The following GPATCH2 variants were observed in gnomAD, a reference collection of about 807,000 sequenced individuals.
The protein encoded by GPATCH2 is G patch domain-containing protein 2.
Under a neutral mutation model 58.0 loss-of-function variants are expected in GPATCH2, and 51 were observed. That is an observed-to-expected ratio of 0.88 (90% CI 0.70 to 1.11). GPATCH2 has a LOEUF of 1.11. Among genes scored for constraint, GPATCH2 ranks in the 50% most tolerant of loss-of-function variants. The pLI is 0.00. For synonymous variants in GPATCH2, 222 were observed against 218.5 expected (o/e 1.02, Z -0.14); for missense variants, 625 against 652.2 (o/e 0.96, Z 0.45).
At chr1:217,516,308 C>T (rs1335169725) in intron 5 of GPATCH2, among the ~76,000 whole-genome samples, 1 of 152,036 alleles carries the variant, frequency 6.6e-6, no homozygotes, top group East Asian at 1.9e-4. Context: ...CAATAAAATT[C>T]CTCTTAAAAA....
chr1:217,475,096 A>G (rs1001408449), intron 8 of GPATCH2, among the ~76,000 whole-genome samples: 1 of 152,176 alleles, frequency 6.6e-6, no homozygotes, highest in Non-Finnish European at 1.5e-5. Flanking sequence ...GAAGAAAAAA[A>G]TATGCACTCA....
chr1:217,520,536 C>T (rs759652289), intron 5 of GPATCH2, among the ~76,000 whole-genome samples: 9 of 152,180 alleles, frequency 5.9e-5, no homozygotes. Context: ...TAGGAAAAGA[C>T]TTTGAACTAG....
intron 9 of GPATCH2, among the ~76,000 whole-genome samples, chr1:217,438,632 T>A (rs571794422): frequency 1.3e-5 from 2 of 152,066 alleles, no homozygotes; most frequent in African/African-American, 4.8e-5. Flanking sequence ...TTGAAGATCA[T>A]CTAAATGAAA....
At chr1:217,608,969 T>G (rs1203821675) in intron 5 of GPATCH2, 1 of 983,782 alleles carries the variant, frequency 1.0e-6, no homozygotes, top group Non-Finnish European at 1.2e-6. Context: ...CTTTAAAAAC[T>G]TTAGGTAAAA....
chr1:217,467,650 C>A (rs1660523933), intron 8 of GPATCH2, among the ~76,000 whole-genome samples: 2 of 151,554 alleles, frequency 1.3e-5, no homozygotes, highest in Admixed American at 1.3e-4. Context: ...ACAATAAAGT[C>A]TTGAATTTGA....
At chr1:217,434,221 T>C (rs1456141685) in intron 9 of GPATCH2, among the ~76,000 whole-genome samples, 2 of 152,188 alleles carry the variant, frequency 1.3e-5, no homozygotes, top group East Asian at 3.8e-4. Flanking sequence ...TATTGACCAC[T>C]TGAGAAGGGC....
chr1:217,610,244 A>C, intron 5 of GPATCH2, 77 bp downstream of exon 5: 1 of 1,508,574 alleles, frequency 6.6e-7, no homozygotes, highest in Non-Finnish European at 9.2e-7. Flanking sequence ...TGAATAAAGG[A>C]TGAGGATGTG....
intron 8 of GPATCH2, among the ~76,000 whole-genome samples, chr1:217,475,144 A>G (rs1308672032): frequency 2.6e-5 from 4 of 152,208 alleles, no homozygotes; most frequent in Non-Finnish European, 4.4e-5. Flanking sequence ...GAATGTTCAA[A>G]GAAACAAGAG....
intron 5 of GPATCH2, among the ~76,000 whole-genome samples, chr1:217,591,258 A>T (rs1362171419): frequency 1.3e-5 from 2 of 152,158 alleles, no homozygotes; most frequent in Non-Finnish European, 2.9e-5. Flanking sequence ...ATGCATATAT[A>T]TATGATGGAC....
chr1:217,455,723 C>T (rs1160553770), intron 8 of GPATCH2, among the ~76,000 whole-genome samples: 1 of 152,026 alleles, frequency 6.6e-6, no homozygotes, highest in Non-Finnish European at 1.5e-5. Context: ...AAGGTCCCAC[C>T]CTCAAGCCTG....
At chr1:217,625,148 C>A (rs1306224874) in intron 1 of GPATCH2, among the ~76,000 whole-genome samples, 1 of 152,132 alleles carries the variant, frequency 6.6e-6, no homozygotes, top group Non-Finnish European at 1.5e-5. Flanking sequence ...GCTTCCTCTA[C>A]CAAATACCCA....
At chr1:217,518,133 A>G (rs1663263800) in intron 5 of GPATCH2, among the ~76,000 whole-genome samples, 1 of 152,192 alleles carries the variant, frequency 6.6e-6, no homozygotes, top group African/African-American at 2.4e-5. Context: ...CTTAAGAAGT[A>G]AACTGAAAGT....
intron 9 of GPATCH2, among the ~76,000 whole-genome samples, chr1:217,439,477 C>G (rs868758356): frequency 3.3e-5 from 5 of 152,018 alleles, no homozygotes; most frequent in African/African-American, 7.3e-5. Flanking sequence ...CAAGGGCAAA[C>G]AAATTCAAAA....
intron 8 of GPATCH2, among the ~76,000 whole-genome samples, chr1:217,460,932 T>C (rs534476485): frequency 6.6e-6 from 1 of 152,344 alleles, no homozygotes; most frequent in South Asian, 2.1e-4. Context: ...ACTTGCATAA[T>C]TGATTTGGCA....
chr1:217,468,274 A>G (rs1660551925), intron 8 of GPATCH2, among the ~76,000 whole-genome samples: 1 of 152,176 alleles, frequency 6.6e-6, no homozygotes, highest in Non-Finnish European at 1.5e-5. Context: ...AAAGAGATAT[A>G]AGTGAGGGAA....
intron 6 of GPATCH2, among the ~76,000 whole-genome samples, chr1:217,500,834 C>A (rs1402366076): frequency 6.6e-6 from 1 of 151,838 alleles, no homozygotes; most frequent in Non-Finnish European, 1.5e-5. Flanking sequence ...TTTTTTCCTC[C>A]TAAAATTTGT....
At chr1:217,595,435 G>A (rs909269236) in intron 5 of GPATCH2, among the ~76,000 whole-genome samples, 6 of 151,760 alleles carry the variant, frequency 4.0e-5, no homozygotes, top group Non-Finnish European at 7.4e-5. Context: ...TGGAAAAAGC[G>A]TATTATTCTG....
In GPATCH2 at chr1:217,543,904, A is replaced by AGAG. The variant is rs1664886711; in HGVS notation, c.1099-29018_1099-29016dup. On this transcript the variant is annotated intron_variant, in intron 5 of 9. Transcript: ENST00000366935. ...GAGAAACCAAGAAGAGAATCCTTCA[A>AGAG]GAGGATTCTTTCTCAGGCTCGCTTG... is the stretch of plus-strand genomic sequence containing the variant. 2.6e-5 allele frequency among the ~76,000 whole-genome samples: 4 copies of AGAG among 152,188 alleles called. No individual in the cohort carries two copies. The South Asian group carries it at 8.3e-4, about 31-fold the overall frequency.
intron 5 of GPATCH2, among the ~76,000 whole-genome samples, chr1:217,573,657 A>G (rs1666670161): frequency 6.6e-6 from 1 of 152,314 alleles, no homozygotes; most frequent in Admixed American, 6.5e-5. Context: ...CAAGCAGATG[A>G]ATTGTCTAAC....
Sources: allele counts gnomAD v4.1 joint callset (sites outside exome capture counted in the v4.1 genomes callset), GRCh38; gene constraint gnomAD v4.1.1; transcripts MANE v1.5; gene names NCBI Gene and HGNC (gene_info 2026-07-23, HGNC 2026-07-21).